The following LEF1 variants were observed in gnomAD, a reference collection of about 807,000 sequenced individuals.
The protein encoded by LEF1 is lymphoid enhancer-binding factor 1.
In LEF1, 14 loss-of-function variants were observed where a neutral mutation model predicts 51.2. The observed-to-expected ratio is 0.27, with a 90% CI of 0.18 to 0.43. The LOEUF is 0.43. LEF1 is among the 20% of genes least tolerant of loss of function. The pLI is 1.00. For synonymous variants in LEF1, 185 were observed against 183.2 expected (o/e 1.01, Z -0.08); for missense variants, 386 against 512.0 (o/e 0.75, Z 2.37).
At chr4:108,163,745 T>G (rs752593855) in intron 2 of LEF1, 44 bp from the exon 3 acceptor site, 8 of 1,591,402 alleles carry the variant, frequency 5.0e-6, no homozygotes, top group Non-Finnish European at 6.0e-6. Context: ...TGACTTCCCT[T>G]TTATATTACT....
intron 3 of LEF1, among the ~76,000 whole-genome samples, chr4:108,142,280 A>T (rs1292913251): frequency 6.6e-6 from 1 of 152,194 alleles, no homozygotes; most frequent in African/African-American, 2.4e-5. Flanking sequence ...TCACAGGTTT[A>T]TTTGGGAAGT....
intron 11 of LEF1, among the ~76,000 whole-genome samples, chr4:108,055,853 A>C (rs1737272939): frequency 6.6e-6 from 1 of 152,216 alleles, no homozygotes; most frequent in Non-Finnish European, 1.5e-5. Flanking sequence ...TAATTGATGG[A>C]AGGGATACTG....
At chr4:108,149,928 T>C (rs1260475567) in intron 3 of LEF1, among the ~76,000 whole-genome samples, 2 of 150,922 alleles carry the variant, frequency 1.3e-5, no homozygotes, top group Non-Finnish European at 3.0e-5. Context: ...TCATGGGTTT[T>C]CCCCCGTTTT....
At chr4:108,157,375 G>A (rs1200810922) in intron 3 of LEF1, among the ~76,000 whole-genome samples, 1 of 152,020 alleles carries the variant, frequency 6.6e-6, no homozygotes, top group East Asian at 1.9e-4. Flanking sequence ...GTATTTTTTA[G>A]TAGAGATGGG....
chr4:108,129,334 T>C (rs1742727213), intron 3 of LEF1, among the ~76,000 whole-genome samples: 1 of 152,184 alleles, frequency 6.6e-6, no homozygotes, highest in Non-Finnish European at 1.5e-5. Flanking sequence ...AGTGGCCAAT[T>C]AGAATGCTTT....
intron 3 of LEF1, among the ~76,000 whole-genome samples, chr4:108,160,213 G>A (rs904495298): frequency 3.3e-5 from 5 of 152,198 alleles, no homozygotes; most frequent in Non-Finnish European, 5.9e-5. Context: ...CATTCACACG[G>A]TGTTCAGGCA....
At chr4:108,119,363 T>TAAACAC in intron 3 of LEF1, among the ~76,000 whole-genome samples, 1 of 152,010 alleles carries the variant, frequency 6.6e-6, no homozygotes, top group African/African-American at 2.4e-5. Context: ...TTTCACTGAC[T>TAAACAC]AAACCCTAGG....
intron 7 of LEF1, 65 bp downstream of exon 7, chr4:108,079,427 G>A: frequency 5.2e-6 from 8 of 1,550,720 alleles, no homozygotes; most frequent in African/African-American, 1.4e-5. Flanking sequence ...TGTTGCAAAG[G>A]AGCAACAGTG....
At chr4:108,106,624 G>T (rs751429982) in intron 3 of LEF1, among the ~76,000 whole-genome samples, 3 of 152,154 alleles carry the variant, frequency 2.0e-5, no homozygotes, top group African/African-American at 7.2e-5. Flanking sequence ...CTTGTATGAG[G>T]TCATCGGGCT....
chr4:108,110,893 T>C (rs1454919451), intron 3 of LEF1, among the ~76,000 whole-genome samples: 1 of 152,200 alleles, frequency 6.6e-6, no homozygotes, highest in East Asian at 1.9e-4. Flanking sequence ...CCATAATATC[T>C]CTGAAATCTG....
rs1307192023 is a variant in LEF1, at chr4:108,167,801, G to A, written c.-34C>T. 3 of 1,584,526 alleles carry A rather than the reference G, an allele frequency of 1.9e-6. No individual in the cohort carries two copies. Among genetic ancestry groups the A allele is most frequent in the African/African-American group, 1.3e-5 (1 of 74,344 alleles). On this transcript the variant is annotated 5_prime_UTR_variant, in exon 1 of 12. Transcript: ENST00000265165. This position sits in a 1 kb window ranked among gnomAD's most constrained non-coding sequence, Gnocchi z 5.7. ...CTCTGTAATCTCCGCTCCGCTGTGG[G>A]AGCACCCGCGCAACAGCAGGAAAGA...
At chr4:108,143,796 G>A (rs1743825730) in intron 3 of LEF1, among the ~76,000 whole-genome samples, 1 of 152,190 alleles carries the variant, frequency 6.6e-6, no homozygotes, top group South Asian at 2.1e-4. Flanking sequence ...GCTAAGCAGA[G>A]ACAAACTAAA....
At chr4:108,165,207 T>C (rs374943492) in intron 1 of LEF1, 44 bp from the exon 2 acceptor site, 3 of 1,573,852 alleles carry the variant, frequency 1.9e-6, no homozygotes. Context: ...AAAATCACCT[T>C]AGAGTTTGTG....
chr4:108,052,113 T>C (rs1737036266), intron 11 of LEF1, among the ~76,000 whole-genome samples: 1 of 151,994 alleles, frequency 6.6e-6, no homozygotes, highest in Non-Finnish European at 1.5e-5. Context: ...TCTGAGGTGG[T>C]GGAGTGGAGG....
intron 3 of LEF1, among the ~76,000 whole-genome samples, chr4:108,091,694 C>T (rs1222918917): frequency 6.6e-6 from 1 of 152,006 alleles, no homozygotes; most frequent in Non-Finnish European, 1.5e-5. Flanking sequence ...TCTTCTAATG[C>T]TTTTCGAGTG....
intron 11 of LEF1, among the ~76,000 whole-genome samples, chr4:108,061,927 T>C (rs1737719645): frequency 6.6e-6 from 1 of 152,182 alleles, no homozygotes; most frequent in Admixed American, 6.6e-5. Context: ...AAAACTACAG[T>C]GATGGGATTT....
intron 7 of LEF1, 116 bp from the exon 8 acceptor site, chr4:108,078,498 C>T (rs1739070172): frequency 1.5e-6 from 2 of 1,340,504 alleles, no homozygotes; most frequent in African/African-American, 1.4e-5. Context: ...GGCGACAACC[C>T]TCTCACCCCA....
Position 108,167,831 on chromosome 4 carries a change from G to A in LEF1, c.-64C>T, listed in dbSNP as rs559435007. On this transcript the variant is annotated 5_prime_UTR_variant, in exon 1 of 12. Transcript: ENST00000265165. The surrounding 1 kb of genome is among the most constrained non-coding windows in gnomAD (Gnocchi z 5.7). Reference sequence around the variant, plus strand: ...CCCGCGCAACAGCAGGAAAGACAGAGGGGTAACTCAAGGGTGGGGGAGGAA... The same window carrying A: ...CCCGCGCAACAGCAGGAAAGACAGAAGGGTAACTCAAGGGTGGGGGAGGAA... The A allele has an allele frequency of 2.1e-3, 3,022 of 1,432,360 alleles. 6 individuals are homozygous for A. Among genetic ancestry groups the A allele is most frequent in the Non-Finnish European group, 2.8e-3 (2,873 of 1,034,354 alleles). The allele number at this position is 1,432,360 out of a possible 1,614,324, so 88.7% of individuals were successfully genotyped here.
chr4:108,165,243 G>A (rs533863061), intron 1 of LEF1, 80 bp from the exon 2 acceptor site: 13 of 1,331,534 alleles, frequency 9.8e-6, no homozygotes, highest in South Asian at 2.3e-5. Context: ...ATGTGTGTGC[G>A]CTGGTAATTC....
Sources: allele counts gnomAD v4.1 joint callset (sites outside exome capture counted in the v4.1 genomes callset), GRCh38; gene constraint gnomAD v4.1.1; non-coding constraint Gnocchi (gnomAD v3.1); transcripts MANE v1.5; gene names NCBI Gene and HGNC (gene_info 2026-07-23, HGNC 2026-07-21).